OSBPL3: variants seen among roughly 807,000 people sequenced by gnomAD.
OSBPL3 encodes the protein oxysterol-binding protein-related protein 3.
OSBPL3 carries 65 observed loss-of-function variants against 120.1 expected under a neutral mutation model. The ratio of observed to expected loss-of-function variants is 0.54; its 90% CI spans 0.44 to 0.67. The LOEUF is 0.67. Among genes scored for constraint, OSBPL3 ranks in the 30% least tolerant of loss-of-function variants. The probability of loss-of-function intolerance (pLI) is 0.00; values close to 1 mark genes in which losing one functional copy is unlikely to be tolerated. For synonymous variants in OSBPL3, 416 were observed against 402.6 expected (o/e 1.03, Z -0.40); for missense variants, 1,004 against 1,082.1 (o/e 0.93, Z 1.01).
rs1423927465 is a variant in OSBPL3, at chr7:24,877,066, T to C, written c.97-4997A>G. Among the ~76,000 whole-genome samples the C allele has an allele frequency of 4.6e-5, 7 of 152,344 alleles. No homozygotes were observed. The highest frequency in any genetic ancestry group is 1.5e-5 in the Non-Finnish European group (1 of 68,028). On this transcript the variant is annotated intron_variant, in intron 2 of 22. Transcript: ENST00000313367. This position sits in a 1 kb window ranked among gnomAD's most constrained non-coding sequence, Gnocchi z 4.8. ...AGAGAGAATTAGATAACTTCCCTGA[T>C]GTTACAAAACCAAGTGACGAAGCCA...
intron 1 of OSBPL3, among the ~76,000 whole-genome samples, chr7:24,909,495 TAAC>T (rs1167223749): frequency 6.6e-6 from 1 of 152,160 alleles, no homozygotes; most frequent in Non-Finnish European, 1.5e-5. Context: ...AGCCAAGGAA[TAAC>T]AATATCTGAA....
At chr7:24,980,635 C>A (rs190479278), upstream of OSBPL3, among the ~76,000 whole-genome samples, 4 of 151,840 alleles carry the variant, frequency 2.6e-5, no homozygotes, top group Non-Finnish European at 5.9e-5. Flanking sequence ...CTCGACCTCC[C>A]GAGAAAGTCA....
At position 24,947,851 on chromosome 7, in the gene OSBPL3, T is replaced by C. The variant is rs926367859; in HGVS notation, c.-150+32035A>G. ...ATGTGCCAGATTCTGTGATCGGTGTTGGTAATTTGACACTGTACAGGGGAA... is the reference window on the plus strand; with the variant it reads ...ATGTGCCAGATTCTGTGATCGGTGTCGGTAATTTGACACTGTACAGGGGAA... On this transcript the variant is annotated intron_variant, in intron 1 of 22. Coordinates refer to ENST00000313367, the MANE Select transcript of OSBPL3 (RefSeq NM_015550.4). This position sits in a 1 kb window ranked among gnomAD's most constrained non-coding sequence, Gnocchi z 4.4. Among the ~76,000 whole-genome samples the C allele has an allele frequency of 6.6e-6, 1 of 151,918 alleles. No homozygotes were observed. Among genetic ancestry groups the C allele is most frequent in the African/African-American group, 2.4e-5 (1 of 41,336 alleles).
rs889097060 is a variant in OSBPL3, at chr7:24,952,699, G to C, written c.-150+27187C>G. Reference sequence around the variant, plus strand: ...ATTACATCAACTCTATAGAGATTATGGTAAGGTTATTTCCAGGATTCTAGG... The same window carrying C: ...ATTACATCAACTCTATAGAGATTATCGTAAGGTTATTTCCAGGATTCTAGG... On this transcript the variant is annotated intron_variant, in intron 1 of 22. Transcript: ENST00000313367. This position sits in a 1 kb window ranked among gnomAD's most constrained non-coding sequence, Gnocchi z 4.4. Among the ~76,000 whole-genome samples, 7 of 152,140 alleles carry C rather than the reference G, an allele frequency of 4.6e-5. No homozygotes were observed. The highest frequency in any genetic ancestry group is 1.4e-4 in the African/African-American group (6 of 41,412).
In OSBPL3 at chr7:24,824,200, A is replaced by G. The variant is rs897307560; in HGVS notation, c.1885-3962T>C. On this transcript the variant is annotated intron_variant, in intron 16 of 22. Transcript: ENST00000313367. The surrounding 1 kb of genome is among the most constrained non-coding windows in gnomAD (Gnocchi z 4.9). ...CAAGTATTTATATGGTAACACATGT[A>G]TCTATCTTTCTTTCTACAAGCCCCA... 6.6e-6 allele frequency among the ~76,000 whole-genome samples: 1 copy of G among 152,206 alleles called. No homozygotes were observed. The highest frequency in any genetic ancestry group is 1.5e-5 in the Non-Finnish European group (1 of 68,038).
intron 7 of OSBPL3, 63 bp downstream of exon 7, chr7:24,865,279 T>G: frequency 6.4e-7 from 1 of 1,550,582 alleles, no homozygotes; most frequent in Non-Finnish European, 8.8e-7. Context: ...ATCTGAAGTG[T>G]AAACATCAAA....
rs1450091954 is a variant in OSBPL3 at position 24,966,685 on chromosome 7, GAGAA to G, written c.-150+13197_-150+13200del. Among the ~76,000 whole-genome samples the G allele has an allele frequency of 6.6e-6, 1 of 152,184 alleles. No homozygotes were observed. Among genetic ancestry groups the G allele is most frequent in the East Asian group, 1.9e-4 (1 of 5,194 alleles). ...CAAAATTAAAGAAGACACTGGCCCA[GAGAA>G]AGACTGAGCTGAAAACCTAATTAGG... On this transcript the variant is annotated intron_variant, in intron 1 of 22. Coordinates refer to ENST00000313367, the MANE Select transcript of OSBPL3 (RefSeq NM_015550.4). The surrounding 1 kb of genome is among the most constrained non-coding windows in gnomAD (Gnocchi z 4.8).
At chr7:24,909,084 T>C (rs1467563387) in intron 1 of OSBPL3, among the ~76,000 whole-genome samples, 2 of 152,184 alleles carry the variant, frequency 1.3e-5, no homozygotes, top group South Asian at 2.1e-4. Context: ...CATGATACAT[T>C]TGAGGTTTCT....
At chr7:24,929,749 T>G (rs182494928) in intron 1 of OSBPL3, among the ~76,000 whole-genome samples, 3 of 152,286 alleles carry the variant, frequency 2.0e-5, no homozygotes, top group Admixed American at 2.0e-4. Flanking sequence ...CATCTGAGTT[T>G]AATTCCAAAT....
intron 1 of OSBPL3, among the ~76,000 whole-genome samples, chr7:24,943,365 C>T (rs1813319393): frequency 6.6e-6 from 1 of 152,170 alleles, no homozygotes; most frequent in South Asian, 2.1e-4. Flanking sequence ...TACATATGTG[C>T]TTGTACCTTA....
At position 24,834,309 on chromosome 7, in the gene OSBPL3, G is replaced by A. The variant is rs1312180027; in HGVS notation, c.1746+177C>T. On this transcript the variant is annotated intron_variant, in intron 15 of 22. Transcript: ENST00000313367. This position sits in a 1 kb window ranked among gnomAD's most constrained non-coding sequence, Gnocchi z 5.2. ...CAACCCCGTCTCCAAATCCTCACAA[G>A]GTGACTGGAAACAGCCAGGCGGAGG... The A allele has an allele frequency of 6.9e-7, 1 of 1,452,456 alleles. No homozygotes were observed. Among genetic ancestry groups the A allele is most frequent in the Admixed American group, 2.7e-5 (1 of 37,502 alleles). 90.0% of individuals were successfully genotyped at this position (1,452,456 alleles called of 1,614,324 possible). A position where few individuals can be genotyped will look rare whatever the true frequency, so the allele number is the denominator to read the frequency against.
intron 1 of OSBPL3, among the ~76,000 whole-genome samples, chr7:24,909,281 T>C (rs1275268515): frequency 6.6e-6 from 1 of 152,216 alleles, no homozygotes; most frequent in African/African-American, 2.4e-5. Flanking sequence ...CTTTCACTTC[T>C]AGCATTCTTT....
Position 24,804,498 on chromosome 7 carries a change from A to G in OSBPL3, c.2445-61T>C, listed in dbSNP as rs542033307. 2.0e-5 allele frequency: 31 copies of G among 1,516,908 alleles called. No individual in the cohort carries two copies. The highest frequency in any genetic ancestry group is 1.1e-4 in the Admixed American group (6 of 56,036). The allele number at this position is 1,516,908 out of a possible 1,614,324, so 94.0% of individuals were successfully genotyped here. A position where few individuals can be genotyped will look rare whatever the true frequency, so the allele number is the denominator to read the frequency against. On this transcript the variant is annotated intron_variant, in intron 21 of 22. Transcript: ENST00000313367. The surrounding 1 kb of genome is among the most constrained non-coding windows in gnomAD (Gnocchi z 5.4). Reference sequence around the variant, plus strand: ...AATTCAAGAAAACAAAACAATCATTACTACTCAACTTGCATGTGTCCACGA... The same window carrying G: ...AATTCAAGAAAACAAAACAATCATTGCTACTCAACTTGCATGTGTCCACGA...
rs984468052 is a variant in OSBPL3 at position 24,824,175 on chromosome 7, C to T, written c.1885-3937G>A. 6.6e-6 allele frequency among the ~76,000 whole-genome samples: 1 copy of T among 152,144 alleles called. No homozygotes were observed. Among genetic ancestry groups the T allele is most frequent in the Admixed American group, 6.5e-5 (1 of 15,278 alleles). On this transcript the variant is annotated intron_variant, in intron 16 of 22. Transcript: ENST00000313367. The surrounding 1 kb of genome is among the most constrained non-coding windows in gnomAD (Gnocchi z 4.9). ...ATTAGTACACATGGTTTTTATTACG[C>T]AAGTATTTATATGGTAACACATGTA...
At chr7:24,958,941 T>G (rs1324536031) in intron 1 of OSBPL3, among the ~76,000 whole-genome samples, 1 of 152,194 alleles carries the variant, frequency 6.6e-6, no homozygotes, top group African/African-American at 2.4e-5. Context: ...GTTTTAACAC[T>G]GAAATTCTGG....
Position 24,824,146 on chromosome 7 carries a change from A to G in OSBPL3, c.1885-3908T>C, listed in dbSNP as rs1430377246. On this transcript the variant is annotated intron_variant, in intron 16 of 22. Transcript: ENST00000313367. The surrounding 1 kb of genome is among the most constrained non-coding windows in gnomAD (Gnocchi z 4.9). ...ATTGGTAAGGATGCCCAAGCATTCAAGAAATTAGTACACATGGTTTTTATT... is the reference window on the plus strand; with the variant it reads ...ATTGGTAAGGATGCCCAAGCATTCAGGAAATTAGTACACATGGTTTTTATT... Among the ~76,000 whole-genome samples, 1 of 152,234 alleles carries G rather than the reference A, an allele frequency of 6.6e-6. No homozygotes were observed. The highest frequency in any genetic ancestry group is 6.5e-5 in the Admixed American group (1 of 15,284).
At chr7:24,874,226 C>A (rs1802551718) in intron 2 of OSBPL3, among the ~76,000 whole-genome samples, 1 of 152,124 alleles carries the variant, frequency 6.6e-6, no homozygotes, top group Non-Finnish European at 1.5e-5. Flanking sequence ...AATGCACCCA[C>A]AATTGTGAAA....
intron 22 of OSBPL3, among the ~76,000 whole-genome samples, 174 bp from the exon 23 acceptor site, chr7:24,800,453 C>CTTTTTTTTTT (rs766653677): frequency 8.4e-6 from 1 of 119,528 alleles, no homozygotes; most frequent in Non-Finnish European, 1.7e-5. Flanking sequence ...AATTTTGTTA[C>CTTTTTTTTTT]TTTTTTTTTT....
At chr7:24,907,108 C>T (rs988770781) in intron 1 of OSBPL3, among the ~76,000 whole-genome samples, 4 of 152,158 alleles carry the variant, frequency 2.6e-5, no homozygotes, top group Non-Finnish European at 4.4e-5. Flanking sequence ...CATCACCCCC[C>T]AATGTGTTTT....
Sources: allele counts gnomAD v4.1 joint callset (sites outside exome capture counted in the v4.1 genomes callset), GRCh38; gene constraint gnomAD v4.1.1; non-coding constraint Gnocchi (gnomAD v3.1); transcripts MANE v1.5; gene names NCBI Gene and HGNC (gene_info 2026-07-23, HGNC 2026-07-21).